The following PTPRB variants were observed in gnomAD, a reference collection of about 807,000 sequenced individuals.
PTPRB encodes the protein receptor-type tyrosine-protein phosphatase beta.
Under a neutral mutation model 238.1 loss-of-function variants are expected in PTPRB, and 97 were observed. That is an observed-to-expected ratio of 0.41 (90% confidence interval 0.35 to 0.48). The LOEUF is 0.48. PTPRB is among the 20% of genes least tolerant of loss of function. The probability of loss-of-function intolerance (pLI) is 0.30; values close to 1 mark genes in which losing one functional copy is unlikely to be tolerated. For synonymous variants in PTPRB, 970 were observed against 995.4 expected, an observed-to-expected ratio of 0.97 and a Z score of 0.48; for missense variants, 2,292 against 2,681.9, an observed-to-expected ratio of 0.85 and a Z score of 3.21.
rs1035683125 is a variant in PTPRB at position 70,519,638 on chromosome 12, G to A, written c.*1851C>T. ...GCTTTTTCTCTTTTTTCTTTTCAAT[G>A]TAGGAAAGGTGATTTCTAATGGATG... On this transcript the variant is annotated 3_prime_UTR_variant, in exon 34 of 34. Transcript: ENST00000334414. The A allele has an allele frequency of 6.6e-6, 1 of 152,156 alleles. No homozygotes were observed. The highest frequency in any genetic ancestry group is 1.5e-5 in the Non-Finnish European group (1 of 68,046). The allele number at this position is 152,156 out of a possible 1,614,324, so 9.4% of individuals were successfully genotyped here. A position where few individuals can be genotyped will look rare whatever the true frequency, so the allele number is the denominator to read the frequency against.
rs780523253 is a variant in PTPRB at position 70,556,167 on chromosome 12, G to A, written c.4715-19C>T. ...TCAGGCTCTAAAGGAAACAGAGGAG[G>A]CAACACTTTTCAGAACTCAGGGAGA... is the stretch of plus-strand genomic sequence containing the variant. On this transcript the variant is annotated intron_variant, in intron 18 of 33. Coordinates refer to ENST00000334414, the MANE Select transcript of PTPRB (RefSeq NM_001109754.4). The A allele has an allele frequency of 5.5e-5, 88 of 1,597,372 alleles. No individual in the cohort carries two copies. The highest frequency in any genetic ancestry group is 2.4e-4 in the South Asian group (21 of 88,752).
At chr12:70,616,354 C>A (rs1884680664) in intron 3 of PTPRB, among the ~76,000 whole-genome samples, 1 of 152,216 alleles carries the variant, frequency 6.6e-6, no homozygotes, top group African/African-American at 2.4e-5. Context: ...CTTCCTCCAT[C>A]TGAATTTATC....
chr12:70,533,904 C>T (rs546310615), intron 31 of PTPRB, among the ~76,000 whole-genome samples: 1 of 152,332 alleles, frequency 6.6e-6, no homozygotes, highest in South Asian at 2.1e-4. Flanking sequence ...CTTCCAGCCT[C>T]TAGACTATGA....
intron 20 of PTPRB, among the ~76,000 whole-genome samples, chr12:70,553,517 A>G (rs1877216473): frequency 6.6e-6 from 1 of 152,168 alleles, no homozygotes; most frequent in African/African-American, 2.4e-5. Flanking sequence ...ATTGCTCTGC[A>G]TGTGGATCTG....
chr12:70,528,395 A>T (rs1051908096), intron 32 of PTPRB, among the ~76,000 whole-genome samples: 1 of 152,010 alleles, frequency 6.6e-6, no homozygotes, highest in Non-Finnish European at 1.5e-5. Context: ...GGGAACTTTG[A>T]TGGTGGCAGT....
chr12:70,530,482 CAT>C (rs767213105), intron 32 of PTPRB, among the ~76,000 whole-genome samples: 15 of 129,404 alleles, frequency 1.2e-4, no homozygotes, highest in East Asian at 2.5e-4. Context: ...TGCAATATGA[CAT>C]GTATTACACA....
chr12:70,584,793 T>A (rs1276060697), intron 9 of PTPRB, among the ~76,000 whole-genome samples: 1 of 151,696 alleles, frequency 6.6e-6, no homozygotes, highest in Non-Finnish European at 1.5e-5. Context: ...TAATCCCAGA[T>A]AAAACATCTC....
chr12:70,628,849 G>A (rs750513894), intron 2 of PTPRB, among the ~76,000 whole-genome samples: 3 of 152,234 alleles, frequency 2.0e-5, no homozygotes, highest in South Asian at 2.1e-4. Flanking sequence ...ATAGGCATGA[G>A]CCACTGTGCC....
intron 3 of PTPRB, among the ~76,000 whole-genome samples, chr12:70,612,279 AT>A (rs1884489437): frequency 6.6e-6 from 1 of 152,176 alleles, no homozygotes; most frequent in Non-Finnish European, 1.5e-5. Flanking sequence ...TACCGATAAC[AT>A]TTTTCCTTTT....
At chr12:70,635,613 A>C (rs564745590) in intron 2 of PTPRB, 58 bp downstream of exon 2, 5 of 1,523,822 alleles carry the variant, frequency 3.3e-6, no homozygotes, top group Admixed American at 2.0e-5. Flanking sequence ...AACAAACAAA[A>C]CCCCCAAGAT....
chr12:70,571,176 T>C lies in PTPRB; in HGVS notation c.3220A>G (p.Asn1074Asp). The C allele has an allele frequency of 6.2e-7, 1 of 1,613,992 alleles. No individual in the cohort carries two copies. The highest frequency in any genetic ancestry group is 8.5e-7 in the Non-Finnish European group (1 of 1,179,884). The change falls in exon 13 of 34, where the codon AAT becomes GAT. Residue 1074 changes from asparagine to aspartate, a missense_variant. Asn to Asp is a conservative substitution (Grantham distance 23, BLOSUM62 1). Coordinates refer to ENST00000334414, the MANE Select transcript of PTPRB (RefSeq NM_001109754.4). ...VDQYEIQLLF[N>D]DMKVFPPFHL... ...AAAGGAGGAAATACTTTCATGTCAT[T>C]GAAGAGCAGCTGGATCTCATATTGG...
chr12:70,532,410 G>C (rs1009045153), intron 31 of PTPRB, among the ~76,000 whole-genome samples: 1 of 139,042 alleles, frequency 7.2e-6, no homozygotes, highest in African/African-American at 2.7e-5. Context: ...GTACTGCTCT[G>C]CACTTACTGT....
Position 70,551,050 on chromosome 12 carries a change from C to T in PTPRB, c.5387+1727G>A, listed in dbSNP as rs920161527. Among the ~76,000 whole-genome samples, 5 of 152,162 alleles carry T rather than the reference C, an allele frequency of 3.3e-5. No homozygotes were observed. The East Asian group carries it at 5.8e-4, about 18-fold the overall frequency. ...AGCTGGGATTACAGGCGTGCACCAC[C>T]GTGCCTGGCCAACTTTTGTGTTTTT... On this transcript the variant is annotated intron_variant, in intron 21 of 33. Coordinates refer to ENST00000334414, the MANE Select transcript of PTPRB (RefSeq NM_001109754.4).
At chr12:70,563,494 C>A (rs981212852) in intron 15 of PTPRB, among the ~76,000 whole-genome samples, 1 of 152,160 alleles carries the variant, frequency 6.6e-6, no homozygotes, top group Admixed American at 6.5e-5. Context: ...TTTCTCCTCT[C>A]CTTTTGTCAG....
chr12:70,635,290 A>G (rs1267478103), intron 2 of PTPRB, among the ~76,000 whole-genome samples: 1 of 152,130 alleles, frequency 6.6e-6, no homozygotes, highest in Non-Finnish European at 1.5e-5. Context: ...AAATCTAATA[A>G]TTTTCCGATT....
intron 28 of PTPRB, among the ~76,000 whole-genome samples, chr12:70,537,284 C>A (rs1266354543): frequency 5.5e-5 from 5 of 90,694 alleles, no homozygotes; most frequent in Non-Finnish European, 8.3e-5. Context: ...AAGACCATCT[C>A]AAAAAAAAAA....
chr12:70,604,896 T>C (rs1350023941), intron 4 of PTPRB, among the ~76,000 whole-genome samples: 1 of 152,176 alleles, frequency 6.6e-6, no homozygotes, highest in Non-Finnish European at 1.5e-5. Context: ...ACCTTCGCCT[T>C]GGACTTCTAG....
At chr12:70,522,863 C>CTTTTTTTTT (rs35913444) in intron 33 of PTPRB, among the ~76,000 whole-genome samples, 23 of 118,242 alleles carry the variant, frequency 1.9e-4, no homozygotes, top group African/African-American at 5.0e-4. Context: ...TTTGTTTTTT[C>CTTTTTTTTT]TTTTTTTTTT....
Position 70,560,867 on chromosome 12 carries a change from C to T in PTPRB, c.4236G>A (p.Trp1412Ter). ...AGTCAAAGTCCCCAGAGGCTGGACT[C>T]CAGTTGAACCAAAGGCTGTCTGTCG... ...RNTTDSLWFN[W>*]SPASGDFDFY... The change falls in exon 17 of 34, where the codon TGG becomes TGA. Residue 1412 changes from tryptophan to a stop codon, truncating the protein, a stop_gained. Coordinates refer to ENST00000334414, the MANE Select transcript of PTPRB (RefSeq NM_001109754.4). LOFTEE classifies it high-confidence loss of function. This position sits in a 1 kb window ranked among gnomAD's most constrained non-coding sequence, Gnocchi z 4.2. 2 of 1,613,778 alleles carry T rather than the reference C, an allele frequency of 1.2e-6. No homozygotes were observed. The highest frequency in any genetic ancestry group is 1.7e-6 in the Non-Finnish European group (2 of 1,179,724).
Sources: gnomAD v4.1 joint callset for allele counts (sites outside exome capture counted in the v4.1 genomes callset) on GRCh38, gnomAD v4.1.1 for gene constraint, Gnocchi (gnomAD v3.1) non-coding constraint, MANE v1.5 for transcripts, NCBI Gene and HGNC (gene_info 2026-07-23, HGNC 2026-07-21) for gene names.